Variants in RPP30 observed in about 807,000 individuals in gnomAD.
RPP30 encodes ribonuclease P/MRP subunit p30, also known as ribonuclease P protein subunit p30.
In RPP30, 36 loss-of-function variants were observed where a neutral mutation model predicts 38.6. The observed-to-expected ratio is 0.93, with a 90% confidence interval of 0.71 to 1.23. RPP30 has a LOEUF of 1.23. RPP30 is among the 50% of genes most tolerant of loss of function. The pLI, the probability that RPP30 is intolerant of heterozygous loss-of-function variation, is 0.00. For missense variants in RPP30, 321 were observed against 321.7 expected, an observed-to-expected ratio of 1.00 and a Z score of 0.02; for synonymous variants, 126 against 112.7, an observed-to-expected ratio of 1.12 and a Z score of -0.75.
At chr10:90,881,545 T>C (rs1208395670) in intron 5 of RPP30, among the ~76,000 whole-genome samples, 2 of 152,222 alleles carry the variant, frequency 1.3e-5, no homozygotes, top group African/African-American at 4.8e-5. Flanking sequence ...AAAAGTTAAA[T>C]GAGAACGCAG....
At position 90,901,338 on chromosome 10, in the gene RPP30, A is replaced by C; in HGVS notation, c.*659A>C. 1.0e-6 allele frequency: 1 copy of C among 983,848 alleles called. No individual in the cohort carries two copies. Among genetic ancestry groups the C allele is most frequent in the Non-Finnish European group, 1.2e-6 (1 of 828,580 alleles). The allele number at this position is 983,848 out of a possible 1,614,324, so 60.9% of individuals were successfully genotyped here. On this transcript the variant is annotated 3_prime_UTR_variant, in exon 11 of 11. Transcript: ENST00000371703. ...GAAAGTTTCTTGTTCATACTCAAAT[A>C]GTAGTTATTTTGAAGATATTCAAAC... is the stretch of plus-strand genomic sequence containing the variant.
At chr10:90,876,351 C>T (rs1320659948) in intron 4 of RPP30, among the ~76,000 whole-genome samples, 1 of 152,120 alleles carries the variant, frequency 6.6e-6, no homozygotes, top group African/African-American at 2.4e-5. Flanking sequence ...TCACGTGCAC[C>T]AGACTTAAGG....
At chr10:90,902,381 G>A, downstream of RPP30, 1 of 348,054 alleles carries the variant, frequency 2.9e-6, no homozygotes, top group Non-Finnish European at 5.8e-6. Context: ...CCACATCCCA[G>A]CTAATTTTTG....
intron 8 of RPP30, 70 bp from the exon 9 acceptor site, chr10:90,895,806 TATTA>T: frequency 9.1e-7 from 1 of 1,102,086 alleles, no homozygotes; most frequent in Non-Finnish European, 1.3e-6. Flanking sequence ...TTAAATTTTC[TATTA>T]ATTTGCTATA....
chr10:90,897,775 G>A (rs1385812244), intron 10 of RPP30, among the ~76,000 whole-genome samples: 1 of 151,522 alleles, frequency 6.6e-6, no homozygotes, highest in Non-Finnish European at 1.5e-5. Context: ...CACATAATAT[G>A]TAAAGTATTT....
At chr10:90,897,962 T>A (rs1169221539) in intron 10 of RPP30, among the ~76,000 whole-genome samples, 1 of 152,228 alleles carries the variant, frequency 6.6e-6, no homozygotes, top group Non-Finnish European at 1.5e-5. Context: ...TAGTTATTTT[T>A]AAATATACAA....
At chr10:90,890,999 A>G (rs1847075520) in intron 6 of RPP30, among the ~76,000 whole-genome samples, 1 of 152,240 alleles carries the variant, frequency 6.6e-6, no homozygotes, top group Admixed American at 6.5e-5. Flanking sequence ...AGGCTGCAGG[A>G]AAGCAGACAT....
At chr10:90,890,635 C>A (rs2120214613) in intron 6 of RPP30, among the ~76,000 whole-genome samples, 1 of 151,982 alleles carries the variant, frequency 6.6e-6, no homozygotes, top group East Asian at 1.9e-4. Context: ...AGTACTGTGT[C>A]CATTCAGTGC....
At chr10:90,898,608 A>G (rs1013688146) in intron 10 of RPP30, among the ~76,000 whole-genome samples, 1 of 152,214 alleles carries the variant, frequency 6.6e-6, no homozygotes, top group African/African-American at 2.4e-5. Flanking sequence ...ATGTCTACTC[A>G]GTCCTTAAAG....
chr10:90,892,014 T>C (rs1288342132), intron 6 of RPP30, among the ~76,000 whole-genome samples: 1 of 152,238 alleles, frequency 6.6e-6, no homozygotes, highest in Non-Finnish European at 1.5e-5. Flanking sequence ...CCTTACTTTC[T>C]TCTCGTCTTT....
At chr10:90,872,393 A>G (rs1846790574) in intron 1 of RPP30, among the ~76,000 whole-genome samples, 1 of 152,200 alleles carries the variant, frequency 6.6e-6, no homozygotes, top group Admixed American at 6.5e-5. Flanking sequence ...CTAAGCTTCT[A>G]AGTTACTATC....
At chr10:90,897,892 TG>T (rs1270384125) in intron 10 of RPP30, among the ~76,000 whole-genome samples, 1 of 152,186 alleles carries the variant, frequency 6.6e-6, no homozygotes, top group Non-Finnish European at 1.5e-5. Flanking sequence ...TCATGGAAAA[TG>T]GGGTGTCCAT....
chr10:90,879,792 T>C (rs1040145100), intron 5 of RPP30, among the ~76,000 whole-genome samples: 1 of 152,222 alleles, frequency 6.6e-6, no homozygotes, highest in Non-Finnish European at 1.5e-5. Context: ...ACCCTGGGCA[T>C]TTTAAATGAT....
chr10:90,901,981 C>A lies in RPP30; in HGVS notation c.*1302C>A. On this transcript the variant is annotated 3_prime_UTR_variant, in exon 11 of 11. Transcript: ENST00000371703. ...CTACAGGCGCTCGCCATGTATTTAG[C>A]AGAGACGGGGTTTCACCGTGTTAGC... The A allele has an allele frequency of 2.6e-6, 1 of 389,038 alleles. No individual in the cohort carries two copies. Among genetic ancestry groups the A allele is most frequent in the Non-Finnish European group, 3.5e-6 (1 of 285,316 alleles). The allele number at this position is 389,038 out of a possible 1,614,324, so 24.1% of individuals were successfully genotyped here. A position where few individuals can be genotyped will look rare whatever the true frequency, so the allele number is the denominator to read the frequency against.
At position 90,874,852 on chromosome 10, in the gene RPP30, C is replaced by T. The variant is rs370025689; in HGVS notation, c.83-17C>T. 3 of 1,581,540 alleles carry T rather than the reference C, an allele frequency of 1.9e-6. No homozygotes were observed. The African/African-American group carries it at 4.1e-5, about 21-fold the overall frequency. On this transcript the variant is annotated splice_polypyrimidine_tract_variant and intron_variant, in intron 1 of 10. Transcript: ENST00000371703. ...GGTTGTTATATTTAACAAAAGTGTT[C>T]AATTTTTCTTTTTCAGTTGGCTATT...
downstream of RPP30, among the ~76,000 whole-genome samples, chr10:90,906,384 T>A (rs538980720): frequency 1.3e-5 from 2 of 152,314 alleles, no homozygotes; most frequent in Admixed American, 6.5e-5. Flanking sequence ...TTTAAGGAAC[T>A]GAAAATTTAG....
rs757489562 is a variant in RPP30 at position 90,872,030 on chromosome 10, T to C, written c.44T>C (p.Leu15Pro). 3.1e-6 allele frequency: 5 copies of C among 1,614,072 alleles called. No individual in the cohort carries two copies. The Admixed American group carries it at 8.3e-5, about 27-fold the overall frequency. Reference sequence around the variant, plus strand: ...TTGGACCTGCGAGCGGGTTCTGACCTGAAGGCTCTGCGCGGACTTGTGGAG... The same window carrying C: ...TTGGACCTGCGAGCGGGTTCTGACCCGAAGGCTCTGCGCGGACTTGTGGAG... ...ADLDLRAGSD[L>P]KALRGLVETA... Residue 15 changes from leucine to proline, a missense_variant, in exon 1 of 11, where the codon CTG becomes CCG. Transcript: ENST00000371703.
At chr10:90,887,828 C>T (rs1361174631) in intron 6 of RPP30, among the ~76,000 whole-genome samples, 1 of 152,162 alleles carries the variant, frequency 6.6e-6, no homozygotes, top group Non-Finnish European at 1.5e-5. Context: ...AGTTGGAAAT[C>T]TATGTTGTGC....
Position 90,900,713 on chromosome 10 carries a change from C to T in RPP30, c.*34C>T. The T allele has an allele frequency of 6.3e-7, 1 of 1,597,740 alleles. No homozygotes were observed. Among genetic ancestry groups the T allele is most frequent in the Non-Finnish European group, 8.5e-7 (1 of 1,174,204 alleles). On this transcript the variant is annotated 3_prime_UTR_variant, in exon 11 of 11. Coordinates refer to ENST00000371703, the MANE Select transcript of RPP30 (RefSeq NM_006413.5). Reference sequence around the variant, plus strand: ...CCCCAGTCTCTGTCAGCACTCCCTTCTTCCCTTTTATAGTTCATCAGCCAC... The same window carrying T: ...CCCCAGTCTCTGTCAGCACTCCCTTTTTCCCTTTTATAGTTCATCAGCCAC...
Sources: gnomAD v4.1 joint callset for allele counts (sites outside exome capture counted in the v4.1 genomes callset) on GRCh38, gnomAD v4.1.1 for gene constraint, MANE v1.5 for transcripts, NCBI Gene and HGNC (gene_info 2026-07-23, HGNC 2026-07-21) for gene names.